MAGI1: variants seen among roughly 807,000 people sequenced by gnomAD.
MAGI1 encodes the protein membrane associated guanylate kinase, WW and PDZ domain containing 1.
In MAGI1, 58 loss-of-function variants were observed where a neutral mutation model predicts 139.9. The ratio of observed to expected loss-of-function variants is 0.41; its 90% CI spans 0.34 to 0.52. MAGI1 has a LOEUF of 0.52. MAGI1 is among the 20% of genes least tolerant of loss of function. MAGI1 has a pLI of 0.12. For missense variants in MAGI1, 1,874 were observed against 1,901.6 expected, an observed-to-expected ratio of 0.99 and a Z score of 0.27; for synonymous variants, 812 against 737.9, an observed-to-expected ratio of 1.10 and a Z score of -1.63.
At chr3:65,930,911 G>C (rs181236265) in intron 1 of MAGI1, among the ~76,000 whole-genome samples, 63 of 152,202 alleles carry the variant, frequency 4.1e-4, no homozygotes, top group African/African-American at 1.4e-3. Context: ...CCCTTTCCTG[G>C]AAAACTCATG....
intron 1 of MAGI1, among the ~76,000 whole-genome samples, chr3:66,020,914 C>T (rs1012220756): frequency 2.0e-5 from 3 of 152,106 alleles, no homozygotes; most frequent in Admixed American, 6.6e-5. Flanking sequence ...CTACCATATG[C>T]TGAGCTTAAG....
chr3:65,500,651 C>T (rs1442457408), intron 2 of MAGI1, among the ~76,000 whole-genome samples: 1 of 152,174 alleles, frequency 6.6e-6, no homozygotes, highest in Non-Finnish European at 1.5e-5. Context: ...TTCTGATAAG[C>T]CATTTCCCAC....
intron 2 of MAGI1, among the ~76,000 whole-genome samples, chr3:65,592,390 A>G (rs1245129195): frequency 6.6e-6 from 1 of 152,176 alleles, no homozygotes; most frequent in African/African-American, 2.4e-5. Flanking sequence ...AGCATTATCA[A>G]TAATACTGAA....
At chr3:65,983,303 A>G (rs1362377666) in intron 1 of MAGI1, among the ~76,000 whole-genome samples, 2 of 152,186 alleles carry the variant, frequency 1.3e-5, no homozygotes, top group South Asian at 2.1e-4. Context: ...TGATTTATGA[A>G]CCAATGTTTA....
intron 1 of MAGI1, among the ~76,000 whole-genome samples, chr3:65,804,243 G>T (rs189996366): frequency 6.7e-6 from 1 of 149,302 alleles, no homozygotes; most frequent in Non-Finnish European, 1.5e-5. Flanking sequence ...TAACCATTTT[G>T]CAAAACAGAA....
rs533456947 is a variant in MAGI1 at position 65,629,206 on chromosome 3, T to C, written c.314-7118A>G. Among the ~76,000 whole-genome samples, 18 of 152,254 alleles carry C rather than the reference T, an allele frequency of 1.2e-4. No individual in the cohort carries two copies. The South Asian group carries it at 2.7e-3, about 23-fold the overall frequency. Reference sequence around the variant, plus strand: ...AAGGAATGTTGCTCAGTAGAAAGAATCTTTGTGGTCAAGAAACCAGGTTTC... The same window carrying C: ...AAGGAATGTTGCTCAGTAGAAAGAACCTTTGTGGTCAAGAAACCAGGTTTC... On this transcript the variant is annotated intron_variant, in intron 1 of 22. Transcript: ENST00000402939.
intron 1 of MAGI1, among the ~76,000 whole-genome samples, chr3:65,624,046 G>C (rs1222749820): frequency 6.6e-6 from 1 of 152,112 alleles, no homozygotes; most frequent in African/African-American, 2.4e-5. Context: ...TTAGTCATTA[G>C]AGGAAAAATA....
chr3:65,398,625 C>G (rs916918843), intron 13 of MAGI1, among the ~76,000 whole-genome samples: 5 of 152,152 alleles, frequency 3.3e-5, no homozygotes, highest in Non-Finnish European at 7.3e-5. Flanking sequence ...ACACAACATC[C>G]TTGTGGGTGA....
intron 2 of MAGI1, chr3:65,620,058 G>A (rs2083584753): frequency 1.1e-6 from 1 of 908,446 alleles, no homozygotes; most frequent in Admixed American, 6.2e-5. Flanking sequence ...TCACAGTCAG[G>A]TCCAATAAAT....
chr3:65,834,933 C>T (rs1441135340), intron 1 of MAGI1, among the ~76,000 whole-genome samples: 1 of 152,180 alleles, frequency 6.6e-6, no homozygotes, highest in Non-Finnish European at 1.5e-5. Context: ...TTGCATTACA[C>T]ACCTTTTTCC....
intron 1 of MAGI1, among the ~76,000 whole-genome samples, chr3:65,756,628 T>C (rs2036587083): frequency 6.6e-6 from 1 of 152,176 alleles, no homozygotes; most frequent in Non-Finnish European, 1.5e-5. Flanking sequence ...GATATGTCCT[T>C]TGCCAACTGT....
At chr3:65,434,944 G>A (rs1947729410) in intron 10 of MAGI1, among the ~76,000 whole-genome samples, 1 of 152,192 alleles carries the variant, frequency 6.6e-6, no homozygotes, top group Non-Finnish European at 1.5e-5. Context: ...TACCATGAGA[G>A]TGGAGCCCAC....
chr3:65,887,145 A>C (rs1246855053), intron 1 of MAGI1, among the ~76,000 whole-genome samples: 1 of 152,160 alleles, frequency 6.6e-6, no homozygotes, highest in Non-Finnish European at 1.5e-5. Context: ...AAAAGATTCC[A>C]AAGATCATAT....
intron 1 of MAGI1, among the ~76,000 whole-genome samples, chr3:65,868,660 A>C (rs73138923): frequency 0.062 from 9,391 of 152,144 alleles, 382 homozygotes; most frequent in Non-Finnish European, 0.097. Flanking sequence ...GCACCTAATT[A>C]TATGTTGGGA....
At chr3:65,927,354 C>T (rs910928242) in intron 1 of MAGI1, among the ~76,000 whole-genome samples, 2 of 152,176 alleles carry the variant, frequency 1.3e-5, no homozygotes, top group African/African-American at 4.8e-5. Flanking sequence ...TAAAGACTCA[C>T]AGGCACCAAA....
intron 2 of MAGI1, among the ~76,000 whole-genome samples, chr3:65,611,211 G>A (rs767987285): frequency 8.6e-5 from 12 of 139,102 alleles, no homozygotes; most frequent in Non-Finnish European, 1.5e-4. Flanking sequence ...GTATACACAC[G>A]TGTAGTACTA....
chr3:65,842,382 C>T (rs533413628), intron 1 of MAGI1, among the ~76,000 whole-genome samples: 3 of 146,780 alleles, frequency 2.0e-5, no homozygotes, highest in African/African-American at 7.6e-5. Context: ...TTTTTTGACA[C>T]GGAGTTTCGC....
At chr3:65,368,288 T>A (rs1322150071) in intron 18 of MAGI1, among the ~76,000 whole-genome samples, 1 of 152,214 alleles carries the variant, frequency 6.6e-6, no homozygotes, top group East Asian at 1.9e-4. Flanking sequence ...GATTAGGTAC[T>A]TTATGACAAA....
chr3:65,675,795 C>G (rs1197942483), intron 1 of MAGI1, among the ~76,000 whole-genome samples: 1 of 152,170 alleles, frequency 6.6e-6, no homozygotes, highest in Non-Finnish European at 1.5e-5. Context: ...AGAACACAAG[C>G]CAACCACTTC....
Sources: gnomAD v4.1 joint callset for allele counts (sites outside exome capture counted in the v4.1 genomes callset) on GRCh38, gnomAD v4.1.1 for gene constraint, MANE v1.5 for transcripts, NCBI Gene and HGNC (gene_info 2026-07-23, HGNC 2026-07-21) for gene names.